The following DYNC1LI1 variants were observed in gnomAD, a reference collection of about 807,000 sequenced individuals.
The protein encoded by DYNC1LI1 is dynein cytoplasmic 1 light intermediate chain 1.
A neutral mutation model predicts 63.8 loss-of-function variants in DYNC1LI1; 19 were observed. The observed-to-expected ratio is 0.30, with a 90% confidence interval of 0.21 to 0.44. The LOEUF is 0.44. Ranked by LOEUF, DYNC1LI1 falls within the 20% of genes least tolerant of loss-of-function variation. The probability of loss-of-function intolerance (pLI) is 1.00; values close to 1 mark genes in which losing one functional copy is unlikely to be tolerated. For missense variants in DYNC1LI1, 565 were observed against 630.2 expected (o/e 0.90, Z 1.11); for synonymous variants, 225 against 232.3 (o/e 0.97, Z 0.28).
At chr3:32,543,398 C>CTTTTTTT (rs968681360) in intron 4 of DYNC1LI1, among the ~76,000 whole-genome samples, 7 of 127,468 alleles carry the variant, frequency 5.5e-5, no homozygotes, top group East Asian at 2.3e-4. Flanking sequence ...TATTTCCTTT[C>CTTTTTTT]TTTTTTTTTT....
At chr3:32,531,827 T>C (rs1481229725) in intron 8 of DYNC1LI1, 4 of 152,210 alleles carry the variant, frequency 2.6e-5, no homozygotes, top group Non-Finnish European at 5.9e-5. Flanking sequence ...TACTACAAGT[T>C]GAGTATCCTT....
At chr3:32,569,661 CAG>C (rs932926075) in intron 2 of DYNC1LI1, among the ~76,000 whole-genome samples, 60 of 152,312 alleles carry the variant, frequency 3.9e-4, no homozygotes, top group African/African-American at 1.4e-3. Context: ...TCCCCACCCC[CAG>C]AGTCACTAAA....
rs1393477620 is a variant in DYNC1LI1 at position 32,540,392 on chromosome 3, T to C, written c.738+645A>G. On this transcript the variant is annotated intron_variant, in intron 5 of 12. Coordinates refer to ENST00000273130, the MANE Select transcript of DYNC1LI1 (RefSeq NM_016141.4). ...TATTAGAGAATATATAAAAATTTAATGTTGAGGCTGGGCACAGTGGCTCAC... is the reference window on the plus strand; with the variant it reads ...TATTAGAGAATATATAAAAATTTAACGTTGAGGCTGGGCACAGTGGCTCAC... 2.6e-5 allele frequency among the ~76,000 whole-genome samples: 4 copies of C among 152,008 alleles called. No individual in the cohort carries two copies. The East Asian group carries it at 7.7e-4, about 29-fold the overall frequency.
At chr3:32,563,034 G>A (rs191185257) in intron 2 of DYNC1LI1, among the ~76,000 whole-genome samples, 6 of 151,936 alleles carry the variant, frequency 3.9e-5, no homozygotes, top group East Asian at 1.9e-4. Flanking sequence ...ATTTCATACC[G>A]ACATACTTGA....
intron 2 of DYNC1LI1, among the ~76,000 whole-genome samples, chr3:32,562,855 A>G (rs1168081237): frequency 6.6e-6 from 1 of 152,126 alleles, no homozygotes; most frequent in Non-Finnish European, 1.5e-5. Context: ...CTGACTCTTA[A>G]GATCTTGTGG....
chr3:32,530,658 G>A (rs930568700), intron 8 of DYNC1LI1, 138 bp from the exon 9 acceptor site: 14 of 748,994 alleles, frequency 1.9e-5, no homozygotes, highest in South Asian at 1.4e-4. Context: ...ATTCACATGC[G>A]TGAGCTGCCC....
intron 5 of DYNC1LI1, among the ~76,000 whole-genome samples, chr3:32,539,802 TG>T (rs1488546809): frequency 5.9e-5 from 9 of 151,910 alleles, no homozygotes; most frequent in South Asian, 4.1e-4. Context: ...CCCAAAATGC[TG>T]GGATTACAGG....
intron 5 of DYNC1LI1, among the ~76,000 whole-genome samples, chr3:32,538,693 T>C (rs1697835421): frequency 6.6e-6 from 1 of 150,450 alleles, no homozygotes. Flanking sequence ...AGTGCAAGGC[T>C]CCATATAAAA....
chr3:32,544,717 G>A (rs1697928817), intron 4 of DYNC1LI1, among the ~76,000 whole-genome samples, 159 bp downstream of exon 4: 1 of 151,666 alleles, frequency 6.6e-6, no homozygotes, highest in South Asian at 2.1e-4. Flanking sequence ...ACTCCAGCCT[G>A]GGTGACAGAA....
chr3:32,527,756 A>G (rs1697640228), intron 12 of DYNC1LI1, among the ~76,000 whole-genome samples: 1 of 152,202 alleles, frequency 6.6e-6, no homozygotes, highest in Non-Finnish European at 1.5e-5. Context: ...TGAAACTCAG[A>G]TGTCCATTAC....
intron 5 of DYNC1LI1, among the ~76,000 whole-genome samples, chr3:32,537,974 TTATATATAATA>T (rs1697810463): frequency 9.7e-5 from 2 of 20,538 alleles, no homozygotes; most frequent in Admixed American, 7.3e-4. Flanking sequence ...ATATATATAT[TTATATATAATA>T]TATATATATA....
At chr3:32,529,720 T>C in intron 10 of DYNC1LI1, 60 bp from the exon 11 acceptor site, 2 of 1,437,740 alleles carry the variant, frequency 1.4e-6, no homozygotes, top group South Asian at 2.7e-5. Flanking sequence ...TCACAAAAGT[T>C]ATTATTGTAA....
chr3:32,553,163 C>CT (rs1009769058), intron 2 of DYNC1LI1, among the ~76,000 whole-genome samples: 1 of 152,008 alleles, frequency 6.6e-6, no homozygotes, highest in African/African-American at 2.4e-5. Context: ...GGGAGATCCT[C>CT]TATCTACAAA....
chr3:32,548,353 C>A (rs1019524589), intron 2 of DYNC1LI1, among the ~76,000 whole-genome samples: 2 of 152,100 alleles, frequency 1.3e-5, no homozygotes, highest in Non-Finnish European at 2.9e-5. Flanking sequence ...CTAACTAATG[C>A]CTGATGATCT....
intron 4 of DYNC1LI1, among the ~76,000 whole-genome samples, chr3:32,543,759 G>C (rs1485556014): frequency 6.6e-6 from 1 of 150,462 alleles, no homozygotes; most frequent in Non-Finnish European, 1.5e-5. Context: ...AGAACTCTAA[G>C]TGACATTAAA....
Position 32,534,508 on chromosome 3 carries a change from T to C in DYNC1LI1, c.968+3A>G. 6.4e-7 allele frequency: 1 copy of C among 1,565,372 alleles called. No homozygotes were observed. Among genetic ancestry groups the C allele is most frequent in the Non-Finnish European group, 8.7e-7 (1 of 1,147,598 alleles). ...AAAATTATATATTTAAGAGTACACT[T>C]ACATAAATACTGCATCCTTTTCCAC... On this transcript the variant is annotated splice_donor_region_variant and intron_variant, in intron 7 of 12. Transcript: ENST00000273130.
At chr3:32,559,661 T>C (rs1185031261) in intron 2 of DYNC1LI1, among the ~76,000 whole-genome samples, 1 of 152,172 alleles carries the variant, frequency 6.6e-6, no homozygotes, top group African/African-American at 2.4e-5. Flanking sequence ...AATAGCTATC[T>C]TGAACACTTC....
intron 4 of DYNC1LI1, among the ~76,000 whole-genome samples, chr3:32,542,347 C>T (rs767023450): frequency 6.6e-6 from 1 of 152,068 alleles, no homozygotes; most frequent in South Asian, 2.1e-4. Context: ...GCCATCCTCC[C>T]ACCTCAGCAT....
intron 4 of DYNC1LI1, among the ~76,000 whole-genome samples, chr3:32,542,642 T>C (rs1023233699): frequency 1.3e-5 from 2 of 152,166 alleles, no homozygotes; most frequent in African/African-American, 4.8e-5. Context: ...TCCCGACTTG[T>C]GATCCACCTG....
Sources: gnomAD v4.1 joint callset for allele counts (sites outside exome capture counted in the v4.1 genomes callset) on GRCh38, gnomAD v4.1.1 for gene constraint, MANE v1.5 for transcripts, NCBI Gene and HGNC (gene_info 2026-07-23, HGNC 2026-07-21) for gene names.